RALGPS1: variants seen among roughly 807,000 people sequenced by gnomAD.
The protein encoded by RALGPS1 is Ral GEF with PH domain and SH3 binding motif 1, also known as ras-specific guanine nucleotide-releasing factor RalGPS1.
Under a neutral mutation model 78.8 loss-of-function variants are expected in RALGPS1, and 19 were observed. The ratio of observed to expected loss-of-function variants is 0.24; its 90% CI spans 0.17 to 0.35. The LOEUF (loss-of-function observed/expected upper bound fraction) is 0.35. RALGPS1 is among the 10% of genes least tolerant of loss of function. RALGPS1 has a pLI of 1.00. For missense variants in RALGPS1, 454 were observed against 688.3 expected, an observed-to-expected ratio of 0.66 and a Z score of 3.81; for synonymous variants, 228 against 256.3, an observed-to-expected ratio of 0.89 and a Z score of 1.06.
At chr9:126,971,980 AT>A (rs762758996) in intron 3 of RALGPS1, among the ~76,000 whole-genome samples, 45 of 152,366 alleles carry the variant, frequency 3.0e-4, no homozygotes, top group Non-Finnish European at 4.3e-4. Context: ...CTGAATTTGA[AT>A]TGGAAATATT....
intron 1 of RALGPS1, among the ~76,000 whole-genome samples, chr9:126,954,100 T>A (rs1257633159): frequency 6.6e-6 from 1 of 152,226 alleles, no homozygotes; most frequent in East Asian, 1.9e-4. Flanking sequence ...CTCAGCGATG[T>A]CTTCTTTGAC....
Position 127,212,978 on chromosome 9 carries a change from T to C in RALGPS1, c.1481T>C (p.Val494Ala). The change falls in exon 17 of 19, where the codon GTG (valine) becomes GCG (alanine). Residue 494 changes from valine to alanine, a missense_variant. Physicochemically the swap from Val to Ala is moderately conservative, Grantham distance 64. Transcript: ENST00000259351. The surrounding 1 kb of genome is among the most constrained non-coding windows in gnomAD (Gnocchi z 6.0). ...ACACCTGGCAAAAAGGTTTCCATCG[T>C]GGGCTGGATGGTGCAGCTGCCCGAT... ...KSTPGKKVSI[V>A]GWMVQLPDDP... is the part of the protein sequence containing the mutation. 6.2e-7 allele frequency: 1 copy of C among 1,614,202 alleles called. No homozygotes were observed. The highest frequency in any genetic ancestry group is 8.5e-7 in the Non-Finnish European group (1 of 1,180,038).
intron 11 of RALGPS1, among the ~76,000 whole-genome samples, chr9:127,191,897 C>T (rs1358784598): frequency 6.6e-6 from 1 of 152,074 alleles, no homozygotes; most frequent in South Asian, 2.1e-4. Flanking sequence ...CGGGGTTTCA[C>T]CGTGTCAGCC....
At chr9:127,196,339 C>A in intron 12 of RALGPS1, 135 bp from the exon 13 acceptor site, 1 of 949,196 alleles carries the variant, frequency 1.1e-6, no homozygotes, top group Non-Finnish European at 1.6e-6. Context: ...GAGGACAGAG[C>A]CTGGGCTGTA....
chr9:127,186,360 C>T (rs2060641361), intron 11 of RALGPS1, among the ~76,000 whole-genome samples: 1 of 152,216 alleles, frequency 6.6e-6, no homozygotes, highest in Non-Finnish European at 1.5e-5. Flanking sequence ...CTGTCCGTGC[C>T]ATATCGGGGC....
intron 5 of RALGPS1, among the ~76,000 whole-genome samples, chr9:127,045,310 C>T (rs1287457882): frequency 6.6e-6 from 1 of 152,156 alleles, no homozygotes; most frequent in Non-Finnish European, 1.5e-5. Context: ...GTATGAACAA[C>T]CTCACTGAGG....
chr9:126,919,793 C>T (rs915778742), intron 1 of RALGPS1, among the ~76,000 whole-genome samples: 1 of 152,132 alleles, frequency 6.6e-6, no homozygotes, highest in African/African-American at 2.4e-5. Context: ...AAAGTCCTTG[C>T]CTTTGAGGTG....
chr9:127,100,631 G>A (rs545516860), intron 8 of RALGPS1, among the ~76,000 whole-genome samples: 60 of 152,304 alleles, frequency 3.9e-4, no homozygotes, highest in Admixed American at 8.5e-4. Flanking sequence ...ATGTAGAGGT[G>A]GGCAGTGCCC....
chr9:127,086,293 T>C (rs546288727), intron 8 of RALGPS1, among the ~76,000 whole-genome samples: 1 of 152,330 alleles, frequency 6.6e-6, no homozygotes, highest in East Asian at 1.9e-4. Context: ...AATTTTGATA[T>C]ATACACTGGC....
chr9:127,110,287 C>G (rs1254243688), intron 8 of RALGPS1, among the ~76,000 whole-genome samples: 2 of 152,154 alleles, frequency 1.3e-5, no homozygotes, highest in South Asian at 2.1e-4. Flanking sequence ...AATATTTTCC[C>G]TCTCACACTG....
At chr9:127,012,305 G>A (rs899256097) in intron 4 of RALGPS1, among the ~76,000 whole-genome samples, 1 of 152,134 alleles carries the variant, frequency 6.6e-6, no homozygotes, top group East Asian at 1.9e-4. Flanking sequence ...AGCAGGGAAA[G>A]CTTAAAAAGT....
intron 1 of RALGPS1, among the ~76,000 whole-genome samples, chr9:126,944,398 C>T (rs1255352404): frequency 1.3e-5 from 2 of 151,620 alleles, no homozygotes; most frequent in African/African-American, 2.4e-5. Context: ...TCAAGACCCC[C>T]TGCTCCCTAC....
chr9:127,184,001 C>T, intron 11 of RALGPS1: 8 of 1,550,078 alleles, frequency 5.2e-6, no homozygotes, highest in Non-Finnish European at 7.0e-6. Context: ...ATCTGCTGCT[C>T]CGCGCTCCCC....
intron 4 of RALGPS1, among the ~76,000 whole-genome samples, chr9:126,982,899 CTTTTCTTCT>C (rs1325154713): frequency 6.0e-5 from 6 of 100,724 alleles, no homozygotes. Flanking sequence ...TTCTTCTCTT[CTTTTCTTCT>C]TCTTCTTCTT....
intron 3 of RALGPS1, among the ~76,000 whole-genome samples, chr9:126,968,652 A>G (rs2039772808): frequency 1.3e-5 from 2 of 152,238 alleles, no homozygotes; most frequent in South Asian, 2.1e-4. Flanking sequence ...CTTCACACAG[A>G]TAGTACATGG....
intron 6 of RALGPS1, among the ~76,000 whole-genome samples, chr9:127,051,378 G>A (rs2048296582): frequency 1.3e-5 from 2 of 152,096 alleles, no homozygotes; most frequent in Non-Finnish European, 2.9e-5. Context: ...TGTGCCCTGG[G>A]TCTTTCCTTG....
At chr9:126,927,342 G>T (rs1032991219) in intron 1 of RALGPS1, among the ~76,000 whole-genome samples, 5 of 152,142 alleles carry the variant, frequency 3.3e-5, no homozygotes, top group Admixed American at 2.0e-4. Flanking sequence ...CAGGGAAGAA[G>T]CAAGAGGAGG....
chr9:127,186,480 C>G (rs1274400956), intron 11 of RALGPS1, among the ~76,000 whole-genome samples: 1 of 152,238 alleles, frequency 6.6e-6, no homozygotes, highest in East Asian at 1.9e-4. Context: ...TGCCAGCCAC[C>G]CAGCTCACAA....
At chr9:127,145,448 A>G (rs998575675) in intron 8 of RALGPS1, among the ~76,000 whole-genome samples, 8 of 152,206 alleles carry the variant, frequency 5.3e-5, no homozygotes, top group African/African-American at 1.9e-4. Flanking sequence ...TACTGGTGAT[A>G]TCTGCTACCC....
Sources: gnomAD v4.1 joint callset for allele counts (sites outside exome capture counted in the v4.1 genomes callset) on GRCh38, gnomAD v4.1.1 for gene constraint, Gnocchi (gnomAD v3.1) non-coding constraint, MANE v1.5 for transcripts, NCBI Gene and HGNC (gene_info 2026-07-23, HGNC 2026-07-21) for gene names.